Variants in DAB1 observed in about 807,000 individuals in gnomAD.
DAB1 encodes DAB adaptor protein 1, also known as disabled homolog 1.
In DAB1, 15 loss-of-function variants were observed where a neutral mutation model predicts 64.6. That is an observed-to-expected ratio of 0.23 (90% CI 0.16 to 0.36). DAB1 has a LOEUF of 0.36. Ranked by LOEUF, DAB1 falls within the 10% of genes least tolerant of loss-of-function variation. The pLI is 1.00. For missense variants in DAB1, 596 were observed against 706.7 expected, an observed-to-expected ratio of 0.84 and a Z score of 1.78; for synonymous variants, 235 against 251.9, an observed-to-expected ratio of 0.93 and a Z score of 0.64.
At chr1:57,295,993 A>C (rs1331128740) in intron 1 of DAB1, among the ~76,000 whole-genome samples, 1 of 152,188 alleles carries the variant, frequency 6.6e-6, no homozygotes, top group Non-Finnish European at 1.5e-5. Context: ...ACAGAATTGG[A>C]TGGCACACAC....
intron 1 of DAB1, among the ~76,000 whole-genome samples, chr1:57,857,718 A>G (rs1193688140): frequency 6.6e-6 from 1 of 152,148 alleles, no homozygotes; most frequent in African/African-American, 2.4e-5. Context: ...GCTGTGCATC[A>G]GGTACTATGT....
At chr1:57,952,363 C>A (rs1645297985) in intron 5 of DAB1, among the ~76,000 whole-genome samples, 1 of 152,104 alleles carries the variant, frequency 6.6e-6, no homozygotes. Flanking sequence ...TTGAGCACAG[C>A]CACCCTTCCC....
intron 4 of DAB1, among the ~76,000 whole-genome samples, chr1:58,300,618 G>C (rs867964440): frequency 4.7e-5 from 2 of 42,580 alleles, no homozygotes; most frequent in Non-Finnish European, 5.2e-5. Context: ...GAAAGAGAGA[G>C]AGAGAGAGAG....
At chr1:58,200,215 T>G (rs962241327) in intron 4 of DAB1, among the ~76,000 whole-genome samples, 1 of 152,088 alleles carries the variant, frequency 6.6e-6, no homozygotes, top group Non-Finnish European at 1.5e-5. Context: ...AGACTCAAAA[T>G]GATGGCATTA....
At chr1:57,307,743 G>A (rs796276638) in intron 1 of DAB1, among the ~76,000 whole-genome samples, 18 of 151,402 alleles carry the variant, frequency 1.2e-4, no homozygotes, top group African/African-American at 3.6e-4. Flanking sequence ...TTGAATCTAG[G>A]CCACACCTCC....
At chr1:58,308,087 A>G (rs1402163114) in intron 4 of DAB1, among the ~76,000 whole-genome samples, 1 of 152,164 alleles carries the variant, frequency 6.6e-6, no homozygotes, top group Admixed American at 6.5e-5. Flanking sequence ...TTCACTGTGC[A>G]TACAGAGTGA....
chr1:58,507,689 T>C (rs1249390386), intron 2 of DAB1, among the ~76,000 whole-genome samples: 2 of 152,096 alleles, frequency 1.3e-5, no homozygotes, highest in South Asian at 2.1e-4. Flanking sequence ...GCAAGATGTG[T>C]GTGTGCTTAT....
At chr1:58,350,317 T>G (rs868244272) in intron 3 of DAB1, among the ~76,000 whole-genome samples, 1 of 152,336 alleles carries the variant, frequency 6.6e-6, no homozygotes, top group African/African-American at 2.4e-5. Flanking sequence ...GTTTTTCTCT[T>G]GTAAATTTGT....
intron 7 of DAB1, among the ~76,000 whole-genome samples, chr1:57,641,429 G>T (rs1293990886): frequency 2.3e-5 from 3 of 131,482 alleles, no homozygotes; most frequent in African/African-American, 8.5e-5. Flanking sequence ...TGTCGCCCAG[G>T]CTAGAGTGCA....
At chr1:57,729,300 GC>G (rs1647311074) in intron 6 of DAB1, among the ~76,000 whole-genome samples, 1 of 152,224 alleles carries the variant, frequency 6.6e-6, no homozygotes, top group Non-Finnish European at 1.5e-5. Flanking sequence ...GTCCATGCTG[GC>G]TACTACTGGA....
intron 3 of DAB1, among the ~76,000 whole-genome samples, chr1:58,398,161 T>C (rs1276523736): frequency 6.6e-6 from 1 of 152,220 alleles, no homozygotes; most frequent in African/African-American, 2.4e-5. Context: ...GCAGTGAGTC[T>C]GAAGAGACTC....
intron 7 of DAB1, among the ~76,000 whole-genome samples, chr1:57,429,792 G>A (rs1017703832): frequency 6.6e-6 from 1 of 152,104 alleles, no homozygotes; most frequent in Non-Finnish European, 1.5e-5. Context: ...AAGATTAGTT[G>A]ATGGTATATG....
At chr1:57,698,596 C>T (rs1374373783) in intron 6 of DAB1, among the ~76,000 whole-genome samples, 1 of 152,078 alleles carries the variant, frequency 6.6e-6, no homozygotes, top group Non-Finnish European at 1.5e-5. Flanking sequence ...AAATAATCAA[C>T]CTGCAATAAT....
At chr1:58,349,593 T>C (rs1433155832) in intron 3 of DAB1, among the ~76,000 whole-genome samples, 1 of 152,110 alleles carries the variant, frequency 6.6e-6, no homozygotes, top group Non-Finnish European at 1.5e-5. Context: ...TTTCTCCTAA[T>C]GCTATCCCTC....
chr1:58,518,105 G>T (rs945288821), intron 2 of DAB1, among the ~76,000 whole-genome samples: 48 of 150,706 alleles, frequency 3.2e-4, no homozygotes, highest in African/African-American at 1.1e-3. Flanking sequence ...AGAATCGCTT[G>T]AACACAGGAG....
chr1:57,740,444 G>A (rs997149411), intron 6 of DAB1, among the ~76,000 whole-genome samples: 7 of 152,126 alleles, frequency 4.6e-5, no homozygotes, highest in East Asian at 1.9e-4. Context: ...GCCCACATCC[G>A]AGTATTGTAC....
Position 58,265,197 on chromosome 1 carries a change from A to G in DAB1, n.309+78155T>C, listed in dbSNP as rs140626092. On this transcript the variant is annotated intron_variant and non_coding_transcript_variant, in intron 4 of 20. Coordinates refer to the DAB1 transcript ENST00000485760. ...GAAGAATGTACTTCCCATTCAATAA[A>G]CAAGGAAACTGAGGCTCAGAGAGAG... 4.8e-4 allele frequency among the ~76,000 whole-genome samples: 73 copies of G among 152,346 alleles called. 1 individual carries two copies. The East Asian group carries it at 0.013, about 28-fold the overall frequency.
At chr1:57,056,808 G>A (rs1649818537) in intron 9 of DAB1, among the ~76,000 whole-genome samples, 1 of 151,870 alleles carries the variant, frequency 6.6e-6, no homozygotes, top group Admixed American at 6.6e-5. Flanking sequence ...AGGCTGTAAT[G>A]AATCAAGATC....
chr1:58,109,929 T>C (rs1250145926), intron 5 of DAB1, among the ~76,000 whole-genome samples: 1 of 152,144 alleles, frequency 6.6e-6, no homozygotes, highest in African/African-American at 2.4e-5. Context: ...TCTCCTACAC[T>C]GTGATATGTG....
Sources: allele counts gnomAD v4.1 joint callset (sites outside exome capture counted in the v4.1 genomes callset), GRCh38; gene constraint gnomAD v4.1.1; transcripts MANE v1.5; gene names NCBI Gene and HGNC (gene_info 2026-07-23, HGNC 2026-07-21).